The following NUDC variants were observed in gnomAD, a reference collection of about 807,000 sequenced individuals.
NUDC encodes nuclear migration protein nudC.
NUDC carries 14 observed loss-of-function variants against 45.0 expected under a neutral mutation model. That is an observed-to-expected ratio of 0.31 (90% CI 0.21 to 0.49). NUDC has a LOEUF of 0.49. NUDC is among the 20% of genes least tolerant of loss of function. The pLI, the probability that NUDC is intolerant of heterozygous loss-of-function variation, is 0.99. For missense variants in NUDC, 323 were observed against 426.2 expected (o/e 0.76, Z 2.13); for synonymous variants, 153 against 156.7 (o/e 0.98, Z 0.17).
intron 2 of NUDC, among the ~76,000 whole-genome samples, chr1:26,910,617 T>C (rs2082021655): frequency 6.6e-6 from 1 of 152,182 alleles, no homozygotes; most frequent in South Asian, 2.1e-4. Context: ...GGGTGGGGAC[T>C]GGTCAGGGCA....
rs377225497 is a variant in NUDC at position 26,946,231 on chromosome 1, A to G, written c.*50A>G. 2.3e-4 allele frequency: 342 copies of G among 1,517,042 alleles called. 1 individual carries two copies. The highest frequency in any genetic ancestry group is 2.1e-4 in the Non-Finnish European group (231 of 1,093,636). The allele number at this position is 1,517,042 out of a possible 1,614,324, so 94.0% of individuals were successfully genotyped here. A position where few individuals can be genotyped will look rare whatever the true frequency, so the allele number is the denominator to read the frequency against. On this transcript the variant is annotated 3_prime_UTR_variant, in exon 9 of 9. Coordinates refer to ENST00000321265, the MANE Select transcript of NUDC (RefSeq NM_006600.4). ...CTTGGGGCTGAGCTGCAACCACCCA[A>G]CTTTCTTTCCCACTCTTCTCTGGGA... is the stretch of plus-strand genomic sequence containing the variant.
At chr1:26,900,440 C>T (rs1011429951) in intron 1 of NUDC, 4 of 1,608,184 alleles carry the variant, frequency 2.5e-6, no homozygotes, top group Non-Finnish European at 3.4e-6. Context: ...CGGGCACCGC[C>T]ATCTTGGATT....
intron 1 of NUDC, among the ~76,000 whole-genome samples, chr1:26,901,529 C>T (rs892613487): frequency 6.6e-6 from 1 of 151,522 alleles, no homozygotes. Context: ...CTCAGCCTCC[C>T]GAGTAGCTGG....
chr1:26,923,465 G>A (rs1272719857), intron 1 of NUDC, among the ~76,000 whole-genome samples: 1 of 152,034 alleles, frequency 6.6e-6, no homozygotes, highest in African/African-American at 2.4e-5. Context: ...CTTTGACCCG[G>A]TAACTTAGCC....
chr1:26,904,096 TG>T lies in NUDC; in HGVS notation c.-16+1731del, dbSNP rs535181814. On this transcript the variant is annotated intron_variant, in intron 2 of 6. Coordinates refer to the NUDC transcript ENST00000435827. ...CAAAAATAAAAATAAAAAAGTCTAA[TG>T]AGTGAGAAATTGTAGATAGGACCAT... Among the ~76,000 whole-genome samples the T allele has an allele frequency of 2.0e-4, 29 of 142,170 alleles. No individual in the cohort carries two copies. In the East Asian group the frequency reaches 5.6e-3, roughly 27 times the overall value. The allele number at this position is 142,170 out of a possible 152,430, so 93.3% of individuals were successfully genotyped here.
intron 2 of NUDC, among the ~76,000 whole-genome samples, chr1:26,935,070 C>T (rs1187282053): frequency 6.6e-6 from 1 of 152,066 alleles, no homozygotes; most frequent in Non-Finnish European, 1.5e-5. Context: ...CAACCTCTGC[C>T]TCCTGGGTTC....
chr1:26,901,791 T>A (rs1452474861), intron 1 of NUDC, among the ~76,000 whole-genome samples: 1 of 152,048 alleles, frequency 6.6e-6, no homozygotes, highest in African/African-American at 2.4e-5. Flanking sequence ...TTATACTGGG[T>A]GATAGGAGGA....
upstream of NUDC, among the ~76,000 whole-genome samples, chr1:26,920,302 C>CTCGTTT (rs2082082583): frequency 6.6e-6 from 1 of 151,898 alleles, no homozygotes; most frequent in Non-Finnish European, 1.5e-5. Flanking sequence ...CGAGCCTGGC[C>CTCGTTT]AACATGGTGA....
intron 2 of NUDC, among the ~76,000 whole-genome samples, chr1:26,904,852 ATT>A (rs35902327): frequency 5.6e-5 from 8 of 143,236 alleles, no homozygotes; most frequent in African/African-American, 7.7e-5. Flanking sequence ...TTATTATATA[ATT>A]TTTTTTTTTT....
At chr1:26,911,061 CA>C in intron 2 of NUDC, 1 of 463,398 alleles carries the variant, frequency 2.2e-6, no homozygotes. Context: ...GTTGCCAGGC[CA>C]GCCCTGGGTA....
chr1:26,934,000 A>G (rs2082205859), intron 2 of NUDC, among the ~76,000 whole-genome samples: 1 of 152,142 alleles, frequency 6.6e-6, no homozygotes, highest in Admixed American at 6.6e-5. Context: ...TAAAAATACA[A>G]AAATTAGCTG....
intron 2 of NUDC, among the ~76,000 whole-genome samples, chr1:26,935,906 T>C (rs1450081562): frequency 6.7e-6 from 1 of 150,074 alleles, no homozygotes; most frequent in East Asian, 2.0e-4. Flanking sequence ...GGTGGTAGGA[T>C]CACTTGAGCC....
At chr1:26,924,030 T>C in intron 1 of NUDC, 59 bp from the exon 2 acceptor site, 1 of 1,479,508 alleles carries the variant, frequency 6.8e-7, no homozygotes, top group South Asian at 1.1e-5. Context: ...TTGACTTGTG[T>C]GCAGTTGAAG....
At chr1:26,907,897 G>A (rs1235426846) in intron 2 of NUDC, among the ~76,000 whole-genome samples, 1 of 152,206 alleles carries the variant, frequency 6.6e-6, no homozygotes, top group Non-Finnish European at 1.5e-5. Context: ...TCTCAGCACA[G>A]GCCAGGTGCG....
In NUDC at chr1:26,935,884, T is replaced by C. The variant is rs781025320; in HGVS notation, c.160-5573T>C. Among the ~76,000 whole-genome samples, 7 of 149,002 alleles carry C rather than the reference T, an allele frequency of 4.7e-5. No individual in the cohort carries two copies. The South Asian group carries it at 1.1e-3, about 23-fold the overall frequency. Reference sequence around the variant, plus strand: ...GGCTCAGGCCTGTAATCACAGCACTTTGGGAGGCTGAGGTGGTAGGATCAC... The same window carrying C: ...GGCTCAGGCCTGTAATCACAGCACTCTGGGAGGCTGAGGTGGTAGGATCAC... On this transcript the variant is annotated intron_variant, in intron 2 of 8. Coordinates refer to ENST00000321265, the MANE Select transcript of NUDC (RefSeq NM_006600.4).
chr1:26,908,167 G>A (rs2082010391), intron 2 of NUDC, among the ~76,000 whole-genome samples: 1 of 151,384 alleles, frequency 6.6e-6, no homozygotes, highest in Non-Finnish European at 1.5e-5. Flanking sequence ...CAGCAAGAGT[G>A]AAACTCCATC....
At chr1:26,944,951 A>C (rs2082306826) in intron 6 of NUDC, among the ~76,000 whole-genome samples, 1 of 152,184 alleles carries the variant, frequency 6.6e-6, no homozygotes, top group Admixed American at 6.5e-5. Flanking sequence ...CTGAGGCCGG[A>C]GAATTGCTTG....
chr1:26,908,482 A>G (rs1324826602), intron 2 of NUDC, among the ~76,000 whole-genome samples: 1 of 152,228 alleles, frequency 6.6e-6, no homozygotes, highest in Non-Finnish European at 1.5e-5. Context: ...GCAGACAAGA[A>G]ACAGAAGTGT....
rs1192188364 is a variant in NUDC, at chr1:26,921,779, C to T, written c.-70C>T. ...ACGACTAGAGTCGTTGGGCCCGGCG[C>T]GACCCGCAGGAGCGTAGAGAGCGCG... On this transcript the variant is annotated 5_prime_UTR_variant, in exon 1 of 9. Transcript: ENST00000321265. 29 of 1,493,480 alleles carry T rather than the reference C, an allele frequency of 1.9e-5. No individual in the cohort carries two copies. The highest frequency in any genetic ancestry group is 2.3e-4 in the Middle Eastern group (1 of 4,296). 92.5% of individuals were successfully genotyped at this position (1,493,480 alleles called of 1,614,324 possible).
Sources: gnomAD v4.1 joint callset for allele counts (sites outside exome capture counted in the v4.1 genomes callset) on GRCh38, gnomAD v4.1.1 for gene constraint, MANE v1.5 for transcripts, NCBI Gene and HGNC (gene_info 2026-07-23, HGNC 2026-07-21) for gene names.